Variants in MTUS2 observed in about 807,000 individuals in gnomAD.
MTUS2 encodes microtubule-associated tumor suppressor candidate 2.
A neutral mutation model predicts 114.1 loss-of-function variants in MTUS2; 40 were observed. That is an observed-to-expected ratio of 0.35 (90% CI 0.27 to 0.46). The LOEUF is 0.46. MTUS2 is among the 20% of genes least tolerant of loss of function. The probability of loss-of-function intolerance (pLI) is 1.00; values close to 1 mark genes in which losing one functional copy is unlikely to be tolerated. For missense variants in MTUS2, 1,679 were observed against 1,705.4 expected (o/e 0.98, Z 0.27); for synonymous variants, 688 against 672.0 (o/e 1.02, Z -0.37).
chr13:29,077,128 G>A (rs982374091), intron 4 of MTUS2, among the ~76,000 whole-genome samples: 1 of 152,134 alleles, frequency 6.6e-6, no homozygotes, highest in South Asian at 2.1e-4. Flanking sequence ...GTTCTGAAAT[G>A]TGCCACTTCT....
chr13:29,495,639 G>A (rs1882502425), intron 12 of MTUS2, among the ~76,000 whole-genome samples: 2 of 152,150 alleles, frequency 1.3e-5, no homozygotes, highest in Non-Finnish European at 1.5e-5. Flanking sequence ...GGGAGGCCGA[G>A]GTGGGTGGAT....
intron 5 of MTUS2, among the ~76,000 whole-genome samples, chr13:29,105,648 T>TG (rs1310527322): frequency 3.0e-4 from 5 of 16,618 alleles, no homozygotes; most frequent in Non-Finnish European, 2.6e-3. Flanking sequence ...GTTTTTCTCC[T>TG]GTTTTTTTCT....
chr13:29,276,021 C>T (rs1389724603), intron 5 of MTUS2, among the ~76,000 whole-genome samples: 1 of 152,200 alleles, frequency 6.6e-6, no homozygotes, highest in Non-Finnish European at 1.5e-5. Flanking sequence ...TTAGCTCTTA[C>T]ATTTAGGTCT....
At position 29,497,714 on chromosome 13, in the gene MTUS2, G is replaced by A. The variant is rs1882642800; in HGVS notation, c.3678+378G>A. The A allele has an allele frequency of 3.7e-5, 8 of 215,146 alleles. No homozygotes were observed. The South Asian group carries it at 8.3e-4, about 22-fold the overall frequency. The allele number at this position is 215,146 out of a possible 1,614,324, so 13.3% of individuals were successfully genotyped here. A position where few individuals can be genotyped will look rare whatever the true frequency, so the allele number is the denominator to read the frequency against. ...CAGCCTTGGCTGCAGCATGCGTTCA[G>A]TTGAGGGGAATTTTTTCCAGAAAAG... On this transcript the variant is annotated intron_variant, in intron 13 of 15. Transcript: ENST00000612955.
intron 8 of MTUS2, among the ~76,000 whole-genome samples, chr13:29,438,895 G>T (rs1007726949): frequency 5.3e-5 from 8 of 152,250 alleles, no homozygotes; most frequent in Admixed American, 3.9e-4. Context: ...ACCCAAAGCA[G>T]CACACTTGTT....
intron 2 of MTUS2, among the ~76,000 whole-genome samples, chr13:29,011,175 G>A (rs1885824500): frequency 6.6e-6 from 1 of 152,196 alleles, no homozygotes; most frequent in Non-Finnish European, 1.5e-5. Context: ...ATGTGTTTGG[G>A]TATTTAACAG....
chr13:29,051,703 G>A (rs1211390504), intron 4 of MTUS2, among the ~76,000 whole-genome samples: 2 of 152,232 alleles, frequency 1.3e-5, no homozygotes, highest in Non-Finnish European at 2.9e-5. Context: ...ATGCCACTGG[G>A]CAGTTGGAGG....
intron 5 of MTUS2, among the ~76,000 whole-genome samples, chr13:29,105,287 G>A (rs952034925): frequency 2.6e-5 from 4 of 152,130 alleles, no homozygotes; most frequent in Non-Finnish European, 4.4e-5. Context: ...AGGCAGATGC[G>A]ACTTAAAGTC....
In MTUS2 at chr13:28,898,668, G is replaced by C. The variant is rs180824350; in HGVS notation, c.-243+58818G>C. 2.1e-3 allele frequency among the ~76,000 whole-genome samples: 319 copies of C among 152,270 alleles called. 1 individual carries two copies. Among genetic ancestry groups the C allele is most frequent in the African/African-American group, 7.2e-3 (298 of 41,564 alleles). Reference sequence around the variant, plus strand: ...AGTTTGTTAGCTGACAATTACACCAGAACTTTCTCTTTCATTTTGAATGTC... The same window carrying C: ...AGTTTGTTAGCTGACAATTACACCACAACTTTCTCTTTCATTTTGAATGTC... On this transcript the variant is annotated intron_variant, in intron 2 of 15. Transcript: ENST00000612955.
rs1873133509 is a variant in MTUS2 at position 29,389,724 on chromosome 13, C to CGT, written c.3117+30251_3117+30252insGT. 4.1e-5 allele frequency among the ~76,000 whole-genome samples: 4 copies of CGT among 97,736 alleles called. 2 individuals carry two copies. 64.1% of individuals were successfully genotyped at this position (97,736 alleles called of 152,430 possible). ...ATATGTGTATATGTATATATACATA[C>CGT]ATATGTGTGTATATGTATATACATA... On this transcript the variant is annotated intron_variant, in intron 8 of 15. Transcript: ENST00000612955.
chr13:28,877,317 CAA>C (rs59056880), intron 2 of MTUS2, among the ~76,000 whole-genome samples: 24 of 113,484 alleles, frequency 2.1e-4, no homozygotes, highest in African/African-American at 2.4e-4. Context: ...GACTCCATCT[CAA>C]AAAAAAAAAA....
intron 8 of MTUS2, among the ~76,000 whole-genome samples, chr13:29,387,018 C>T (rs746607271): frequency 7.2e-5 from 11 of 152,178 alleles, no homozygotes; most frequent in South Asian, 2.1e-4. Flanking sequence ...TTGTTCATTC[C>T]ACAGATCTTT....
chr13:29,318,669 C>T (rs1356026727), intron 6 of MTUS2, among the ~76,000 whole-genome samples: 6 of 152,048 alleles, frequency 3.9e-5, no homozygotes, highest in Admixed American at 6.6e-5. Context: ...TTATGATGTC[C>T]GGTTCAGGAA....
chr13:29,223,750 G>C (rs1052364393), intron 5 of MTUS2, among the ~76,000 whole-genome samples: 1 of 152,226 alleles, frequency 6.6e-6, no homozygotes, highest in East Asian at 1.9e-4. Flanking sequence ...GAGAAGGAGA[G>C]AAGAAAGGAG....
At chr13:29,245,591 A>C (rs746079582) in intron 5 of MTUS2, among the ~76,000 whole-genome samples, 7 of 152,204 alleles carry the variant, frequency 4.6e-5, no homozygotes, top group Non-Finnish European at 1.0e-4. Context: ...TTCTTTGAAG[A>C]TCCCTCTATC....
chr13:28,965,007 C>T (rs1049116585), intron 2 of MTUS2, among the ~76,000 whole-genome samples: 11 of 152,060 alleles, frequency 7.2e-5, no homozygotes, highest in South Asian at 2.1e-4. Flanking sequence ...TGATGAGCAG[C>T]GCAGTAATTG....
chr13:29,221,078 A>G (rs1379232137), intron 5 of MTUS2, among the ~76,000 whole-genome samples: 1 of 67,998 alleles, frequency 1.5e-5, no homozygotes, highest in Non-Finnish European at 3.2e-5. Context: ...TTCCCTAGAG[A>G]ATTAAGCCCT....
chr13:29,257,496 C>A (rs1158746780), intron 5 of MTUS2, among the ~76,000 whole-genome samples: 1 of 152,196 alleles, frequency 6.6e-6, no homozygotes, highest in Non-Finnish European at 1.5e-5. Context: ...AATAAAAAAT[C>A]ATGATATATT....
At position 29,330,147 on chromosome 13, in the gene MTUS2, CTGTGAGATGGTATCTCAT is replaced by C. The variant is rs1900708738; in HGVS notation, c.2905+5442_2905+5459del. On this transcript the variant is annotated intron_variant, in intron 7 of 15. Coordinates refer to ENST00000612955, the MANE Select transcript of MTUS2 (RefSeq NM_001033602.4). ...TTTTTAATGATCGCCATTCTAACTG[CTGTGAGATGGTATCTCAT>C]TGTGATTTTGATTTGCATTTCGCTA... 2.0e-5 allele frequency among the ~76,000 whole-genome samples: 3 copies of C among 152,100 alleles called. No individual in the cohort carries two copies. The South Asian group carries it at 6.2e-4, about 32-fold the overall frequency.
Sources: allele counts gnomAD v4.1 joint callset (sites outside exome capture counted in the v4.1 genomes callset), GRCh38; gene constraint gnomAD v4.1.1; transcripts MANE v1.5; gene names NCBI Gene and HGNC (gene_info 2026-07-23, HGNC 2026-07-21).